CPSF4L: variants seen among roughly 807,000 people sequenced by gnomAD.
CPSF4L encodes the protein putative cleavage and polyadenylation specificity factor subunit 4-like protein.
Under a neutral mutation model 24.0 loss-of-function variants are expected in CPSF4L, and 18 were observed. The ratio of observed to expected loss-of-function variants is 0.75; its 90% CI spans 0.52 to 1.11. The LOEUF is 1.11. Among genes scored for constraint, CPSF4L ranks in the 50% least tolerant of loss-of-function variants. The pLI is 0.00. For missense variants in CPSF4L, 211 were observed against 221.8 expected, an observed-to-expected ratio of 0.95 and a Z score of 0.31; for synonymous variants, 72 against 77.2, an observed-to-expected ratio of 0.93 and a Z score of 0.35.
At chr17:73,255,748 A>G (rs908362534) in intron 3 of CPSF4L, among the ~76,000 whole-genome samples, 8 of 152,176 alleles carry the variant, frequency 5.3e-5, no homozygotes, top group African/African-American at 1.9e-4. Context: ...TCAAAGTGAC[A>G]TCACCCCCTA....
In CPSF4L at chr17:73,257,786, A is replaced by C. The variant is rs1191601577; in HGVS notation, c.202T>G (p.Cys68Gly). The part of the protein sequence containing the change: ...RHDRGEKMVV[C>G]KHWLRGLCKK... ...CAGAGCCCCCGGAGCCAGTGCTTGC[A>C]TACCACCATCTTCTCCCCTCGGTCA... The change falls in exon 3 of 6, where the codon TGC (cysteine) becomes GGC (glycine). Residue 68 changes from cysteine to glycine, a missense_variant. Transcript: ENST00000344935. The C allele has an allele frequency of 6.4e-7, 1 of 1,551,494 alleles. No homozygotes were observed. The highest frequency in any genetic ancestry group is 1.4e-5 in the African/African-American group (1 of 73,010).
chr17:73,255,556 G>A (rs2062022001), intron 3 of CPSF4L, among the ~76,000 whole-genome samples: 1 of 147,904 alleles, frequency 6.8e-6, no homozygotes, highest in African/African-American at 2.5e-5. Context: ...TGATTCCTAA[G>A]AGTTTAAAAC....
rs1156298901 is a variant in CPSF4L, at chr17:73,256,952, G to A, written c.307+729C>T. Among the ~76,000 whole-genome samples the A allele has an allele frequency of 3.9e-5, 6 of 152,272 alleles. No homozygotes were observed. In the South Asian group the frequency reaches 6.2e-4, roughly 16 times the overall value. On this transcript the variant is annotated intron_variant, in intron 3 of 5. Transcript: ENST00000344935. ...TGAGGCAGGAGAATGGCTTGAACCC[G>A]GGAGGTGGAGATTGCAGTGAGTCAA...
At chr17:73,250,158 A>G in intron 5 of CPSF4L, 1 of 1,359,288 alleles carries the variant, frequency 7.4e-7, no homozygotes, top group South Asian at 1.4e-5. Context: ...CCTGCTTAGG[A>G]TGACAGCAGG....
At chr17:73,257,584 G>T in intron 3 of CPSF4L, 97 bp downstream of exon 3, 2 of 1,295,076 alleles carry the variant, frequency 1.5e-6, no homozygotes, top group Non-Finnish European at 1.1e-6. Flanking sequence ...GACATGTCCA[G>T]CCTCCTCTGC....
intron 1 of CPSF4L, among the ~76,000 whole-genome samples, chr17:73,261,399 T>A (rs8078493): frequency 0.014 from 2,168 of 152,102 alleles, 29 homozygotes; most frequent in Non-Finnish European, 0.02. Context: ...TGGTGGCTCA[T>A]GCCTGTAATC....
At chr17:73,243,101 T>A in the CPSF4L span, 2 of 745,614 alleles carry the variant, frequency 2.7e-6, no homozygotes, top group Non-Finnish European at 4.4e-6. Flanking sequence ...TTTTTTTTTT[T>A]ACAGCTTTAC....
chr17:73,252,872 C>A, intron 4 of CPSF4L, 149 bp from the exon 5 acceptor site: 1 of 587,474 alleles, frequency 1.7e-6, no homozygotes, highest in Non-Finnish European at 3.0e-6. Context: ...CTGTACCACC[C>A]TAAAGCATCC....
At chr17:73,259,456 C>G (rs1367302680) in intron 2 of CPSF4L, among the ~76,000 whole-genome samples, 1 of 152,188 alleles carries the variant, frequency 6.6e-6, no homozygotes, top group Non-Finnish European at 1.5e-5. Context: ...GCTGGAATTA[C>G]AAGTGTGAGC....
chr17:73,253,063 G>A (rs1296487985), intron 4 of CPSF4L, among the ~76,000 whole-genome samples: 1 of 152,150 alleles, frequency 6.6e-6, no homozygotes, highest in African/African-American at 2.4e-5. Context: ...AGGTACAGCT[G>A]AGAAAAAGCT....
intron 3 of CPSF4L, among the ~76,000 whole-genome samples, chr17:73,255,455 C>T (rs747275123): frequency 2.0e-5 from 3 of 147,752 alleles, no homozygotes; most frequent in Admixed American, 6.9e-5. Flanking sequence ...TGCAGTGAGT[C>T]GAGATTGTGC....
upstream of CPSF4L, among the ~76,000 whole-genome samples, chr17:73,263,453 G>A (rs567816273): frequency 6.6e-6 from 1 of 152,358 alleles, no homozygotes; most frequent in South Asian, 2.1e-4. Context: ...GGGCAGGAAG[G>A]GGTAGCAGGC....
chr17:73,250,878 G>A, intron 5 of CPSF4L: 2 of 960,446 alleles, frequency 2.1e-6, no homozygotes, highest in Non-Finnish European at 3.0e-6. Context: ...CCTATCTGCT[G>A]CAGAAAAGGA....
intron 3 of CPSF4L, among the ~76,000 whole-genome samples, chr17:73,255,515 G>GAA (rs56896799): frequency 1.2e-4 from 14 of 117,768 alleles, no homozygotes; most frequent in Non-Finnish European, 1.3e-4. Flanking sequence ...TCCAAAAAAA[G>GAA]AAAAAAAAAA....
chr17:73,253,863 C>T (rs989518974), intron 4 of CPSF4L, 68 bp downstream of exon 4: 3 of 1,064,738 alleles, frequency 2.8e-6, no homozygotes, highest in African/African-American at 3.2e-5. Flanking sequence ...AAAATGGCCC[C>T]TCCCCTGCTG....
At chr17:73,250,876 C>G in intron 5 of CPSF4L, 1 of 940,390 alleles carries the variant, frequency 1.1e-6, no homozygotes, top group Non-Finnish European at 1.5e-6. Flanking sequence ...CTCCTATCTG[C>G]TGCAGAAAAG....
At chr17:73,261,035 G>A in intron 1 of CPSF4L, 52 bp from the exon 2 acceptor site, 1 of 1,455,816 alleles carries the variant, frequency 6.9e-7, no homozygotes, top group Non-Finnish European at 9.4e-7. Flanking sequence ...GGCTGCAGCT[G>A]TTCCGGAAGC....
At chr17:73,242,970 G>T in the CPSF4L span, 1 of 1,613,676 alleles carries the variant, frequency 6.2e-7, no homozygotes, top group Non-Finnish European at 8.5e-7. Context: ...AGGATACTTC[G>T]TCCTGTGTTG....
chr17:73,258,218 G>T (rs2062031148), intron 2 of CPSF4L, among the ~76,000 whole-genome samples: 1 of 152,070 alleles, frequency 6.6e-6, no homozygotes, highest in Admixed American at 6.5e-5. Flanking sequence ...CACCGTGTTA[G>T]CCAGGATGGT....
Sources: gnomAD v4.1 joint callset for allele counts (sites outside exome capture counted in the v4.1 genomes callset) on GRCh38, gnomAD v4.1.1 for gene constraint, MANE v1.5 for transcripts, NCBI Gene and HGNC (gene_info 2026-07-23, HGNC 2026-07-21) for gene names.